The following CNTN5 variants were observed in gnomAD, a reference collection of about 807,000 sequenced individuals.
CNTN5 encodes contactin 5.
Under a neutral mutation model 129.1 loss-of-function variants are expected in CNTN5, and 77 were observed. The observed-to-expected ratio is 0.60, with a 90% CI of 0.50 to 0.72. The LOEUF (loss-of-function observed/expected upper bound fraction) is 0.72, where lower values mean the gene tolerates loss of function less well. CNTN5 is among the 30% of genes least tolerant of loss of function. The pLI is 0.00. For missense variants in CNTN5, 1,478 were observed against 1,328.8 expected, an observed-to-expected ratio of 1.11 and a Z score of -1.75; for synonymous variants, 509 against 465.6, an observed-to-expected ratio of 1.09 and a Z score of -1.20.
At chr11:99,699,969 G>T (rs1954447394) in intron 3 of CNTN5, among the ~76,000 whole-genome samples, 1 of 151,196 alleles carries the variant, frequency 6.6e-6, no homozygotes, top group African/African-American at 2.4e-5. Flanking sequence ...GGCACATATT[G>T]GGTAAATGAA....
chr11:99,137,157 C>T (rs1345969014), intron 1 of CNTN5, among the ~76,000 whole-genome samples: 1 of 152,136 alleles, frequency 6.6e-6, no homozygotes, highest in African/African-American at 2.4e-5. Flanking sequence ...GGGAATGACC[C>T]TTAGCAAGGC....
intron 2 of CNTN5, among the ~76,000 whole-genome samples, chr11:99,454,534 T>C (rs1944425328): frequency 6.6e-6 from 1 of 152,154 alleles, no homozygotes; most frequent in Admixed American, 6.5e-5. Flanking sequence ...CCTTCCACCA[T>C]GATTGTTAAG....
chr11:99,731,076 A>T (rs1424830573), intron 3 of CNTN5, among the ~76,000 whole-genome samples: 1 of 152,092 alleles, frequency 6.6e-6, no homozygotes, highest in African/African-American at 2.4e-5. Flanking sequence ...CTAGAAGGGG[A>T]CAAGCAGCTA....
At chr11:99,294,198 T>C (rs1298643704) in intron 1 of CNTN5, among the ~76,000 whole-genome samples, 1 of 152,204 alleles carries the variant, frequency 6.6e-6, no homozygotes, top group Non-Finnish European at 1.5e-5. Context: ...TTAATTTTCA[T>C]ATATTTAGTG....
chr11:99,209,720 T>C (rs1859670250), intron 1 of CNTN5, among the ~76,000 whole-genome samples: 1 of 152,128 alleles, frequency 6.6e-6, no homozygotes, highest in Admixed American at 6.6e-5. Context: ...GAATGAATAG[T>C]AATGAATAGA....
intron 2 of CNTN5, among the ~76,000 whole-genome samples, chr11:99,510,318 ACT>A (rs891074847): frequency 6.6e-6 from 1 of 152,010 alleles, no homozygotes; most frequent in Non-Finnish European, 1.5e-5. Context: ...AAAAAAAGAG[ACT>A]CTCAAACACT....
chr11:99,114,709 A>G (rs935014839), intron 1 of CNTN5, among the ~76,000 whole-genome samples: 1 of 152,126 alleles, frequency 6.6e-6, no homozygotes, highest in Non-Finnish European at 1.5e-5. Context: ...TTGATCGGTA[A>G]TTAGAACTCA....
chr11:99,251,638 A>G (rs543430933), intron 1 of CNTN5, among the ~76,000 whole-genome samples: 1 of 152,088 alleles, frequency 6.6e-6, no homozygotes, highest in South Asian at 2.1e-4. Flanking sequence ...CTAGGGCTAT[A>G]ACTATAACAA....
At chr11:99,812,504 C>T (rs1015658736) in intron 3 of CNTN5, among the ~76,000 whole-genome samples, 2 of 152,070 alleles carry the variant, frequency 1.3e-5, no homozygotes, top group African/African-American at 4.8e-5. Context: ...ATCAGGCAAG[C>T]ATAGTTTCAA....
At position 100,075,229 on chromosome 11, in the gene CNTN5, C is replaced by A. The variant is rs577120136; in HGVS notation, c.1580+935C>A. Among the ~76,000 whole-genome samples, 36 of 152,126 alleles carry A rather than the reference C, an allele frequency of 2.4e-4. No homozygotes were observed. In the South Asian group the frequency reaches 7.5e-3, roughly 32 times the overall value. On this transcript the variant is annotated intron_variant, in intron 13 of 24. Transcript: ENST00000524871. ...AGAGTATTTTTGTTTTCCATCAAAT[C>A]TGAGGGACACTGATTTAAATAGTCT...
intron 1 of CNTN5, among the ~76,000 whole-genome samples, chr11:99,199,171 GGCA>G (rs1859045438): frequency 6.6e-6 from 1 of 151,994 alleles, no homozygotes; most frequent in South Asian, 2.1e-4. Context: ...TTGGAGATTG[GGCA>G]GAAAAGATTA....
intron 3 of CNTN5, among the ~76,000 whole-genome samples, chr11:99,768,043 C>A (rs778995583): frequency 6.6e-6 from 1 of 152,050 alleles, no homozygotes; most frequent in Non-Finnish European, 1.5e-5. Flanking sequence ...TATGTATTGT[C>A]TATGGCTGCT....
At chr11:99,918,988 C>A (rs1349667638) in intron 7 of CNTN5, among the ~76,000 whole-genome samples, 1 of 152,118 alleles carries the variant, frequency 6.6e-6, no homozygotes, top group Non-Finnish European at 1.5e-5. Flanking sequence ...CCAGGTTCAG[C>A]TTAGATTGTG....
At chr11:99,728,065 C>T (rs1464003634) in intron 3 of CNTN5, among the ~76,000 whole-genome samples, 1 of 152,034 alleles carries the variant, frequency 6.6e-6, no homozygotes, top group Non-Finnish European at 1.5e-5. Flanking sequence ...GAAGTGAAAA[C>T]ATTTAAGGAC....
At chr11:99,631,840 T>C (rs1384575564) in intron 3 of CNTN5, among the ~76,000 whole-genome samples, 12 of 152,164 alleles carry the variant, frequency 7.9e-5, no homozygotes. Context: ...TAGTTACCTG[T>C]GGTTACTTGT....
intron 3 of CNTN5, among the ~76,000 whole-genome samples, chr11:99,698,183 T>C (rs1954356809): frequency 6.6e-6 from 1 of 151,498 alleles, no homozygotes; most frequent in African/African-American, 2.4e-5. Flanking sequence ...CATTATTCAG[T>C]GTATTTTCTG....
intron 2 of CNTN5, among the ~76,000 whole-genome samples, chr11:99,428,559 C>CAAAAAAAAAAAAAAAAAAATAAAAA: frequency 1.7e-5 from 1 of 57,316 alleles, no homozygotes; most frequent in Non-Finnish European, 3.9e-5. Flanking sequence ...GACCCTGTCT[C>CAAAAAAAAAAAAAAAAAAATAAAAA]AAAAAAAAAA....
At chr11:100,018,887 T>C (rs1940974450) in intron 9 of CNTN5, among the ~76,000 whole-genome samples, 2 of 151,956 alleles carry the variant, frequency 1.3e-5, no homozygotes, top group South Asian at 4.1e-4. Flanking sequence ...TGTCACATTT[T>C]ATGTTGGATT....
chr11:99,943,207 G>A (rs1332416361), intron 7 of CNTN5, among the ~76,000 whole-genome samples: 1 of 152,082 alleles, frequency 6.6e-6, no homozygotes, highest in Non-Finnish European at 1.5e-5. Flanking sequence ...GTTGCTTCCT[G>A]ACTTTTTAAT....
Sources: allele counts gnomAD v4.1 joint callset (sites outside exome capture counted in the v4.1 genomes callset), GRCh38; gene constraint gnomAD v4.1.1; transcripts MANE v1.5; gene names NCBI Gene and HGNC (gene_info 2026-07-23, HGNC 2026-07-21).